Variants in PRDM16 observed in about 807,000 individuals in gnomAD.
The protein encoded by PRDM16 is histone-lysine N-methyltransferase PRDM16.
PRDM16 carries 23 observed loss-of-function variants against 110.6 expected under a neutral mutation model. The ratio of observed to expected loss-of-function variants is 0.21; its 90% CI spans 0.15 to 0.29. The LOEUF (loss-of-function observed/expected upper bound fraction) is 0.29. Among genes scored for constraint, PRDM16 ranks in the 10% least tolerant of loss-of-function variants. The pLI, the probability that PRDM16 is intolerant of heterozygous loss-of-function variation, is 1.00. For synonymous variants in PRDM16, 799 were observed against 781.8 expected, an observed-to-expected ratio of 1.02 and a Z score of -0.37; for missense variants, 1,615 against 1,794.3, an observed-to-expected ratio of 0.90 and a Z score of 1.81.
At chr1:3,123,621 G>A (rs2981863) in intron 1 of PRDM16, among the ~76,000 whole-genome samples, 2 of 152,160 alleles carry the variant, frequency 1.3e-5, no homozygotes, top group Non-Finnish European at 2.9e-5. Flanking sequence ...GGGAGGGGGG[G>A]CAGCCCATCC....
intron 1 of PRDM16, among the ~76,000 whole-genome samples, chr1:3,130,162 T>C (rs1643303932): frequency 6.6e-6 from 1 of 151,938 alleles, no homozygotes; most frequent in African/African-American, 2.4e-5. Context: ...AAGTCTTGGG[T>C]CTTGGTGAGA....
chr1:3,295,351 G>A (rs1641063636), intron 3 of PRDM16, among the ~76,000 whole-genome samples: 1 of 152,082 alleles, frequency 6.6e-6, no homozygotes, highest in Admixed American at 6.5e-5. Context: ...GTGCTGGGAG[G>A]GGACTGGGTG....
At chr1:3,092,265 G>A (rs1336224023) in intron 1 of PRDM16, among the ~76,000 whole-genome samples, 1 of 152,188 alleles carries the variant, frequency 6.6e-6, no homozygotes, top group African/African-American at 2.4e-5. Context: ...CCTGCAGGGA[G>A]GTGCCAGGCA....
At chr1:3,070,019 C>T (rs1009021752) in intron 1 of PRDM16, among the ~76,000 whole-genome samples, 12 of 151,882 alleles carry the variant, frequency 7.9e-5, no homozygotes, top group Admixed American at 7.2e-4. Flanking sequence ...GAGGGCGCTC[C>T]TCTGGGACGC....
chr1:3,097,525 C>A (rs1642432064), intron 1 of PRDM16, among the ~76,000 whole-genome samples: 1 of 152,108 alleles, frequency 6.6e-6, no homozygotes, highest in South Asian at 2.1e-4. Flanking sequence ...CAGCACCAGC[C>A]AACATCACAC....
chr1:3,420,232 C>T (rs529673342), intron 12 of PRDM16, among the ~76,000 whole-genome samples: 2 of 152,280 alleles, frequency 1.3e-5, no homozygotes, highest in South Asian at 2.1e-4. Flanking sequence ...AGGTCTGTGC[C>T]GAGGGGTTTG....
At chr1:3,100,548 A>G (rs1042168198) in intron 1 of PRDM16, among the ~76,000 whole-genome samples, 3 of 152,022 alleles carry the variant, frequency 2.0e-5, no homozygotes, top group Non-Finnish European at 4.4e-5. Flanking sequence ...GGGCCTCCTG[A>G]GGCATCCCAC....
intron 3 of PRDM16, among the ~76,000 whole-genome samples, chr1:3,271,583 G>A (rs1418741511): frequency 6.6e-6 from 1 of 152,234 alleles, no homozygotes. Flanking sequence ...CCATGACCTG[G>A]AGCGTGAGGC....
chr1:3,169,426 CAG>C (rs1185898050), intron 1 of PRDM16, among the ~76,000 whole-genome samples: 1 of 152,136 alleles, frequency 6.6e-6, no homozygotes, highest in East Asian at 1.9e-4. Flanking sequence ...AGATACCACA[CAG>C]GGGTGGGAGT....
chr1:3,272,529 A>G (rs1640480332), intron 3 of PRDM16, among the ~76,000 whole-genome samples: 1 of 152,112 alleles, frequency 6.6e-6, no homozygotes, highest in Non-Finnish European at 1.5e-5. Context: ...GGGCTCGGGA[A>G]ACACCCGCCT....
chr1:3,437,298 TG>T lies in PRDM16; in HGVS notation c.*3489del, dbSNP rs1457519261. On this transcript the variant is annotated 3_prime_UTR_variant, in exon 17 of 17. Transcript: ENST00000270722. The stretch of plus-strand genomic sequence containing the variant: ...CCAGCCCTGGAAATTCCAAGGGCCC[TG>T]GCGTCCTCTGCCTTCCCCGCTTCCC... The T allele has an allele frequency of 1.3e-5, 3 of 232,766 alleles. No homozygotes were observed. Among genetic ancestry groups the T allele is most frequent in the Non-Finnish European group, 2.5e-5 (3 of 117,816 alleles). The allele number at this position is 232,766 out of a possible 1,614,324, so 14.4% of individuals were successfully genotyped here.
chr1:3,262,481 C>T (rs1234364741), intron 3 of PRDM16, among the ~76,000 whole-genome samples: 1 of 152,212 alleles, frequency 6.6e-6, no homozygotes, highest in South Asian at 2.1e-4. Context: ...CTGGGATCCA[C>T]AGTGTCACCC....
chr1:3,125,919 A>G (rs1376379591), intron 1 of PRDM16, among the ~76,000 whole-genome samples: 2 of 152,212 alleles, frequency 1.3e-5, no homozygotes, highest in East Asian at 3.9e-4. Context: ...GCATAATGAC[A>G]GGGGCATTAG....
At chr1:3,348,562 C>A (rs1409287651) in intron 3 of PRDM16, among the ~76,000 whole-genome samples, 1 of 152,238 alleles carries the variant, frequency 6.6e-6, no homozygotes, top group Non-Finnish European at 1.5e-5. Flanking sequence ...GACATGCACG[C>A]TTCTTAAAGA....
chr1:3,367,065 C>T (rs537498156), intron 3 of PRDM16, among the ~76,000 whole-genome samples: 10 of 152,292 alleles, frequency 6.6e-5, no homozygotes, highest in South Asian at 4.1e-4. Context: ...GTCAGGAGTT[C>T]GAGACCAGTC....
In PRDM16 at chr1:3,313,049, C is replaced by A. The variant is rs1641502129; in HGVS notation, c.438+68912C>A. Among the ~76,000 whole-genome samples the A allele has an allele frequency of 2.0e-5, 3 of 152,246 alleles. No homozygotes were observed. The South Asian group carries it at 6.2e-4, about 31-fold the overall frequency. On this transcript the variant is annotated intron_variant, in intron 3 of 16. Coordinates refer to ENST00000270722, the MANE Select transcript of PRDM16 (RefSeq NM_022114.4). ...AGTTGGCGTTCACACGTGGTGTACA[C>A]ACACAGGCACAGGCACCGTGTCCCA...
chr1:3,269,363 GGAGGAGGACAGTCCCA>G (rs1407602906), intron 3 of PRDM16, among the ~76,000 whole-genome samples: 14 of 150,864 alleles, frequency 9.3e-5, no homozygotes, highest in Admixed American at 2.0e-4. Context: ...GGAGCAGTCA[GGAGGAGGACAGTCCCA>G]GAGGAGGACA....
At chr1:3,301,614 G>C (rs1322145244) in intron 3 of PRDM16, among the ~76,000 whole-genome samples, 1 of 152,216 alleles carries the variant, frequency 6.6e-6, no homozygotes, top group Non-Finnish European at 1.5e-5. Context: ...CCCAACTACA[G>C]ACTGTGTCCA....
At position 3,412,651 on chromosome 1, in the gene PRDM16, C is replaced by T. The variant is rs546061852; in HGVS notation, c.2454C>T (p.Gly818=). 1.2e-5 allele frequency: 18 copies of T among 1,540,056 alleles called. No individual in the cohort carries two copies. Among genetic ancestry groups the T allele is most frequent in the South Asian group, 4.8e-5 (4 of 83,342 alleles). The part of the protein sequence containing the change: ...GSRARASQNG[G]GREPRKNHVY... ...GGGCCCGTGCCAGCCAAAACGGCGGCGGGCGGGAGCCCCGCAAGAACCACG... is the reference window on the plus strand; with the variant it reads ...GGGCCCGTGCCAGCCAAAACGGCGGTGGGCGGGAGCCCCGCAAGAACCACG... Residue 818 remains glycine, a synonymous_variant, in exon 9 of 17, where the codon GGC becomes GGT. Coordinates refer to ENST00000270722, the MANE Select transcript of PRDM16 (RefSeq NM_022114.4).
Sources: gnomAD v4.1 joint callset for allele counts (sites outside exome capture counted in the v4.1 genomes callset) on GRCh38, gnomAD v4.1.1 for gene constraint, MANE v1.5 for transcripts, NCBI Gene and HGNC (gene_info 2026-07-23, HGNC 2026-07-21) for gene names.